The following AGFG2 variants were observed in gnomAD, a reference collection of about 807,000 sequenced individuals.
The protein encoded by AGFG2 is arf-GAP domain and FG repeat-containing protein 2.
AGFG2 carries 31 observed loss-of-function variants against 48.0 expected under a neutral mutation model. The observed-to-expected ratio is 0.65, with a 90% CI of 0.49 to 0.87. The LOEUF is 0.87. AGFG2 is among the 40% of genes least tolerant of loss of function. AGFG2 has a pLI of 0.00. For missense variants in AGFG2, 599 were observed against 632.6 expected (o/e 0.95, Z 0.57); for synonymous variants, 229 against 260.8 (o/e 0.88, Z 1.18).
rs143676973 is a variant in AGFG2 at position 100,562,363 on chromosome 7, G to A, written c.982G>A (p.Ala328Thr). 2.5e-6 allele frequency: 4 copies of A among 1,613,670 alleles called. No individual in the cohort carries two copies. Among genetic ancestry groups the A allele is most frequent in the Non-Finnish European group, 3.4e-6 (4 of 1,179,800 alleles). Residue 328 changes from alanine to threonine, a missense_variant, in exon 7 of 12, where the codon GCA (alanine) becomes ACA (threonine). By Grantham distance (58) the Ala-to-Thr change is moderately conservative. Coordinates refer to ENST00000300176, the MANE Select transcript of AGFG2 (RefSeq NM_006076.5). The surrounding 1 kb of genome is among the most constrained non-coding windows in gnomAD (Gnocchi z 5.4). ...GSFLGPGVPA[A>T]GVPSSLFGMA... ...CTTCCTGGGACCCGGGGTGCCCGCT[G>A]CAGGTGTTCCTAGCAGGTAGGTACA...
intron 2 of AGFG2, among the ~76,000 whole-genome samples, chr7:100,549,364 C>T (rs766141437): frequency 1.3e-5 from 2 of 152,138 alleles, no homozygotes; most frequent in African/African-American, 2.4e-5. Context: ...CTATCCTTGG[C>T]GTTAGCAGTA....
chr7:100,560,143 G>A (rs944927426), intron 6 of AGFG2, among the ~76,000 whole-genome samples: 2 of 151,894 alleles, frequency 1.3e-5, no homozygotes, highest in African/African-American at 4.8e-5. Context: ...AAAGGCCTCG[G>A]CTGGGAGAGT....
rs749893325 is a variant in AGFG2 at position 100,548,813 on chromosome 7, C to G, written c.222-9C>G. On this transcript the variant is annotated splice_polypyrimidine_tract_variant and intron_variant, in intron 1 of 11. Coordinates refer to ENST00000300176, the MANE Select transcript of AGFG2 (RefSeq NM_006076.5). The stretch of plus-strand genomic sequence containing the variant: ...TATACTTCTCTTTCTTCCTGTTTCT[C>G]TCCCATAGGAGAGGGCTGAACCCCC... 6.2e-7 allele frequency: 1 copy of G among 1,606,538 alleles called. No individual in the cohort carries two copies. Among genetic ancestry groups the G allele is most frequent in the South Asian group, 1.1e-5 (1 of 90,928 alleles).
At chr7:100,554,287 C>T (rs1159523029) in intron 5 of AGFG2, 29 bp downstream of exon 5, 4 of 1,597,958 alleles carry the variant, frequency 2.5e-6, no homozygotes, top group Non-Finnish European at 1.7e-6. Flanking sequence ...GGGACCCTCC[C>T]TACAGCGTAT....
intron 6 of AGFG2, among the ~76,000 whole-genome samples, chr7:100,561,031 G>T (rs1183353353): frequency 2.7e-5 from 4 of 148,214 alleles, no homozygotes; most frequent in Admixed American, 6.8e-5. Flanking sequence ...GTGTCAGCCA[G>T]GTTGGTCTTG....
intron 9 of AGFG2, among the ~76,000 whole-genome samples, chr7:100,563,187 C>G (rs918645975): frequency 3.3e-5 from 5 of 152,234 alleles, no homozygotes; most frequent in Admixed American, 1.3e-4. Context: ...TTAGAGTTGA[C>G]TGACAGTGGC....
chr7:100,563,868 C>T lies in AGFG2; in HGVS notation c.1206C>T (p.Gly402=). ...PGFGMSSAGP[G]FPQAVPPTGA... is the part of the protein sequence containing the mutation. ...TTGGGATGAGCAGTGCTGGGCCTGG[C>T]TTCCCCCAGGCAGTGCCACCCACTG... The change falls in exon 10 of 12, where the codon GGC becomes GGT. Residue 402 remains glycine (G), a synonymous_variant. Transcript: ENST00000300176. The T allele has an allele frequency of 6.2e-7, 1 of 1,611,280 alleles. No individual in the cohort carries two copies.
chr7:100,565,709 C>A lies in AGFG2; in HGVS notation c.*718C>A, dbSNP rs552976862. The A allele has an allele frequency of 6.6e-6, 1 of 152,440 alleles. No individual in the cohort carries two copies. Among genetic ancestry groups the A allele is most frequent in the African/African-American group, 2.4e-5 (1 of 41,390 alleles). The allele number at this position is 152,440 out of a possible 1,614,324, so 9.4% of individuals were successfully genotyped here. On this transcript the variant is annotated 3_prime_UTR_variant, in exon 12 of 12. Transcript: ENST00000300176. ...GCACATACATACATATATACACACACCCAGCCGATCTCCCGCTCCCAGACT... is the reference window on the plus strand; with the variant it reads ...GCACATACATACATATATACACACAACCAGCCGATCTCCCGCTCCCAGACT...
At chr7:100,548,950 C>G in intron 2 of AGFG2, 35 bp downstream of exon 2, 1 of 1,534,530 alleles carries the variant, frequency 6.5e-7, no homozygotes, top group Non-Finnish European at 8.9e-7. Context: ...GAGAAGGTCA[C>G]CTATCTGCAG....
At chr7:100,547,594 T>C in intron 1 of AGFG2, among the ~76,000 whole-genome samples, 1 of 152,124 alleles carries the variant, frequency 6.6e-6, no homozygotes, top group East Asian at 1.9e-4. Flanking sequence ...CTGCCTGGCT[T>C]AGCCCCAAGT....
In AGFG2 at chr7:100,550,478, A is replaced by C. The variant is rs1333411933; in HGVS notation, c.398A>C (p.Glu133Ala). The C allele has an allele frequency of 1.9e-6, 3 of 1,613,864 alleles. No homozygotes were observed. The African/African-American group carries it at 4.0e-5, about 22-fold the overall frequency. Reference protein sequence around the residue: ...PDSRDPQKVKEFLQEKYEKKR... With the variant: ...PDSRDPQKVKAFLQEKYEKKR... Reference sequence around the variant, plus strand: ...TCCAGGGATCCTCAGAAAGTGAAGGAGTTTCTCCAGGAAAAATATGAGAAG... The same window carrying C: ...TCCAGGGATCCTCAGAAAGTGAAGGCGTTTCTCCAGGAAAAATATGAGAAG... The change falls in exon 3 of 12, where the codon GAG (glutamate) becomes GCG (alanine). Residue 133 changes from glutamate (E) to alanine (A), a missense_variant. Transcript: ENST00000300176.
chr7:100,556,975 A>C (rs1306738506), intron 6 of AGFG2, among the ~76,000 whole-genome samples: 2 of 152,338 alleles, frequency 1.3e-5, no homozygotes, highest in East Asian at 3.9e-4. Flanking sequence ...AGGTGGGCAG[A>C]TCACCTGAGG....
At chr7:100,561,217 C>T (rs1800863624) in intron 6 of AGFG2, among the ~76,000 whole-genome samples, 1 of 150,934 alleles carries the variant, frequency 6.6e-6, no homozygotes, top group African/African-American at 2.4e-5. Flanking sequence ...ACCTCCACTT[C>T]CCGGGTTCAA....
intron 1 of AGFG2, among the ~76,000 whole-genome samples, chr7:100,547,972 C>T (rs1186324819): frequency 1.3e-5 from 2 of 152,150 alleles, no homozygotes; most frequent in Non-Finnish European, 2.9e-5. Context: ...GTCACCATAT[C>T]CTGTTTTTGT....
In AGFG2 at chr7:100,553,428, A is replaced by G. The variant is rs751053498; in HGVS notation, c.513A>G (p.Glu171=). 18 of 1,614,034 alleles carry G rather than the reference A, an allele frequency of 1.1e-5. No homozygotes were observed. Among genetic ancestry groups the G allele is most frequent in the Non-Finnish European group, 1.5e-5 (18 of 1,180,024 alleles). ...ASTPVQGSIP[E]GKPLRTLLGD... is the part of the protein sequence containing the mutation. The stretch of plus-strand genomic sequence containing the variant: ...CCCCTGTGCAGGGCTCCATCCCAGA[A>G]GGGAAGCCCCTTCGGACACTTCTGG... The change falls in exon 4 of 12, where the codon GAA becomes GAG. Residue 171 remains glutamate (E), a synonymous_variant. Coordinates refer to ENST00000300176, the MANE Select transcript of AGFG2 (RefSeq NM_006076.5).
At position 100,539,472 on chromosome 7, in the gene AGFG2, C is replaced by T; in HGVS notation, c.126C>T (p.Ala42=). The T allele has an allele frequency of 7.6e-7, 1 of 1,315,262 alleles. No individual in the cohort carries two copies. Among genetic ancestry groups the T allele is most frequent in the South Asian group, 2.1e-5 (1 of 46,522 alleles). 81.5% of individuals were successfully genotyped at this position (1,315,262 alleles called of 1,614,324 possible). A position where few individuals can be genotyped will look rare whatever the true frequency, so the allele number is the denominator to read the frequency against. Residue 42 remains alanine (A), a synonymous_variant, in exon 1 of 12, where the codon GCC becomes GCT. Coordinates refer to ENST00000300176, the MANE Select transcript of AGFG2 (RefSeq NM_006076.5). ...RVRELGGCSQ[A]GNRHCFECAQ... ...GGGAGCTGGGTGGCTGCAGCCAGGC[C>T]GGGAACCGCCACTGCTTCGAGTGCG... is the stretch of plus-strand genomic sequence containing the variant.
chr7:100,552,775 A>G (rs1254990167), intron 3 of AGFG2, among the ~76,000 whole-genome samples: 2 of 152,168 alleles, frequency 1.3e-5, no homozygotes, highest in East Asian at 3.9e-4. Flanking sequence ...GTGGATTGTG[A>G]GCACCTAGAG....
rs11760595 is a variant in AGFG2, at chr7:100,562,486, T to A, written c.998+107T>A. On this transcript the variant is annotated intron_variant, in intron 7 of 11. Coordinates refer to ENST00000300176, the MANE Select transcript of AGFG2 (RefSeq NM_006076.5). The surrounding 1 kb of genome is among the most constrained non-coding windows in gnomAD (Gnocchi z 5.4). ...ATCTCCTGGCAGTTCTCCCCTCCCC[T>A]CCTCTCCCTTACTCACCCTGGAGAG... 1 of 1,597,962 alleles carries A rather than the reference T, an allele frequency of 6.3e-7. No homozygotes were observed. Among genetic ancestry groups the A allele is most frequent in the South Asian group, 1.1e-5 (1 of 89,696 alleles).
intron 6 of AGFG2, chr7:100,556,268 T>C (rs1227938303): frequency 5.1e-6 from 1 of 197,940 alleles, no homozygotes; most frequent in Non-Finnish European, 1.1e-5. Flanking sequence ...TGAGTGATTA[T>C]TGTGCCATTG....
Sources: allele counts gnomAD v4.1 joint callset (sites outside exome capture counted in the v4.1 genomes callset), GRCh38; gene constraint gnomAD v4.1.1; non-coding constraint Gnocchi (gnomAD v3.1); transcripts MANE v1.5; gene names NCBI Gene and HGNC (gene_info 2026-07-23, HGNC 2026-07-21).